Variants in MMRN1 observed in about 807,000 individuals in gnomAD.
The protein encoded by MMRN1 is multimerin 1.
A neutral mutation model predicts 100.7 loss-of-function variants in MMRN1; 94 were observed. The ratio of observed to expected loss-of-function variants is 0.93; its 90% CI spans 0.79 to 1.11. MMRN1 has a LOEUF of 1.11. Ranked by LOEUF, MMRN1 falls within the 50% of genes least tolerant of loss-of-function variation. MMRN1 has a pLI of 0.00. For synonymous variants in MMRN1, 575 were observed against 505.0 expected (o/e 1.14, Z -1.86); for missense variants, 1,606 against 1,439.1 (o/e 1.12, Z -1.88).
intron 4 of MMRN1, among the ~76,000 whole-genome samples, chr4:89,923,875 G>T (rs1448801020): frequency 6.6e-6 from 1 of 152,174 alleles, no homozygotes; most frequent in African/African-American, 2.4e-5. Context: ...CATGGATCTA[G>T]TCATACAAAA....
At chr4:89,946,021 G>A (rs76000787) in intron 6 of MMRN1, among the ~76,000 whole-genome samples, 9,327 of 152,160 alleles carry the variant, frequency 0.061, 770 homozygotes, top group African/African-American at 0.19. Flanking sequence ...ACAAATAAAT[G>A]TTAGTATTCC....
At chr4:89,912,591 G>A (rs1173184124) in intron 3 of MMRN1, among the ~76,000 whole-genome samples, 1 of 150,258 alleles carries the variant, frequency 6.7e-6, no homozygotes, top group Non-Finnish European at 1.5e-5. Context: ...TGGCAAGGCT[G>A]ATCAAACACA....
intron 5 of MMRN1, among the ~76,000 whole-genome samples, chr4:89,928,864 AT>A (rs1722347103): frequency 6.6e-6 from 1 of 152,188 alleles, no homozygotes; most frequent in Admixed American, 6.6e-5. Flanking sequence ...TGTAAGGTAC[AT>A]ATTCATGGAT....
At chr4:89,923,720 C>A (rs1722160999) in intron 4 of MMRN1, among the ~76,000 whole-genome samples, 1 of 152,210 alleles carries the variant, frequency 6.6e-6, no homozygotes, top group Non-Finnish European at 1.5e-5. Context: ...TAAGAATCAA[C>A]AAGAACCTCC....
At chr4:89,929,104 G>C (rs1054458220) in intron 5 of MMRN1, among the ~76,000 whole-genome samples, 4 of 152,116 alleles carry the variant, frequency 2.6e-5, no homozygotes, top group African/African-American at 9.7e-5. Flanking sequence ...GGTAGGGCAA[G>C]GATGTTCTAG....
chr4:89,915,385 A>T (rs1183583334), intron 3 of MMRN1, among the ~76,000 whole-genome samples: 1 of 151,580 alleles, frequency 6.6e-6, no homozygotes, highest in Non-Finnish European at 1.5e-5. Flanking sequence ...AGTAAAGCTT[A>T]ACATGTACAC....
intron 1 of MMRN1, among the ~76,000 whole-genome samples, chr4:89,896,749 G>A (rs1486310763): frequency 1.3e-5 from 2 of 152,064 alleles, no homozygotes; most frequent in African/African-American, 4.8e-5. Flanking sequence ...AGAGACACTG[G>A]TAAGAATTCT....
At chr4:89,896,811 C>T (rs1177444996) in intron 1 of MMRN1, among the ~76,000 whole-genome samples, 1 of 152,060 alleles carries the variant, frequency 6.6e-6, no homozygotes, top group Non-Finnish European at 1.5e-5. Flanking sequence ...GTCTATTTTT[C>T]ACTATATTTC....
intron 1 of MMRN1, among the ~76,000 whole-genome samples, chr4:89,888,661 T>C (rs1440861925): frequency 6.6e-6 from 1 of 152,126 alleles, no homozygotes; most frequent in Admixed American, 6.6e-5. Flanking sequence ...TCAGTTTTGA[T>C]AATCTCTTCT....
upstream of MMRN1, among the ~76,000 whole-genome samples, chr4:89,891,830 T>C (rs1032205120): frequency 4.2e-4 from 64 of 152,150 alleles, no homozygotes; most frequent in African/African-American, 1.5e-3. Flanking sequence ...ATTTCTCATG[T>C]GAAAAATGAA....
chr4:89,930,559 T>C (rs1183086590), intron 5 of MMRN1, among the ~76,000 whole-genome samples: 4 of 152,056 alleles, frequency 2.6e-5, no homozygotes, highest in African/African-American at 9.7e-5. Flanking sequence ...CTTGAAAAAC[T>C]GTAAGATTAT....
At chr4:89,927,758 A>G (rs757596389) in intron 4 of MMRN1, 37 bp from the exon 5 acceptor site, 2 of 1,578,958 alleles carry the variant, frequency 1.3e-6, no homozygotes, top group Non-Finnish European at 1.7e-6. Flanking sequence ...GTCAAAATAT[A>G]TTTTTTAATG....
chr4:89,940,284 C>A (rs745674869), intron 6 of MMRN1, among the ~76,000 whole-genome samples: 2 of 152,056 alleles, frequency 1.3e-5, no homozygotes, highest in Admixed American at 1.3e-4. Context: ...GCTTGTAAAA[C>A]CATTGGCTTT....
At position 89,936,395 on chromosome 4, in the gene MMRN1, G is replaced by T; in HGVS notation, c.2715G>T (p.Ala905=). Reference sequence around the variant, plus strand: ...AAGTATTAAATTCCAGATTTAAGGCGTTGGAAGCAAAATCTATCCATCTTT... The same window carrying T: ...AAGTATTAAATTCCAGATTTAAGGCTTTGGAAGCAAAATCTATCCATCTTT... ...QLQVLNSRFK[A]LEAKSIHLSI... The change falls in exon 6 of 8, where the codon GCG becomes GCT. Residue 905 remains alanine (A), a synonymous_variant. Coordinates refer to ENST00000264790, the MANE Select transcript of MMRN1 (RefSeq NM_007351.3). 1 of 1,609,412 alleles carries T rather than the reference G, an allele frequency of 6.2e-7. No individual in the cohort carries two copies. Among genetic ancestry groups the T allele is most frequent in the Non-Finnish European group, 8.5e-7 (1 of 1,178,650 alleles).
At chr4:89,950,911 A>G (rs1723146293) in intron 6 of MMRN1, among the ~76,000 whole-genome samples, 1 of 151,622 alleles carries the variant, frequency 6.6e-6, no homozygotes, top group South Asian at 2.1e-4. Flanking sequence ...AGTTTTTCAT[A>G]TGTTATGAAT....
intron 6 of MMRN1, among the ~76,000 whole-genome samples, chr4:89,947,694 A>G (rs543494643): frequency 6.6e-6 from 1 of 152,314 alleles, no homozygotes; most frequent in East Asian, 1.9e-4. Context: ...CATAAAGAAA[A>G]TGATGCTTTA....
upstream of MMRN1, among the ~76,000 whole-genome samples, chr4:89,890,367 T>G (rs1721025616): frequency 6.6e-6 from 1 of 152,086 alleles, no homozygotes; most frequent in African/African-American, 2.4e-5. Flanking sequence ...CTTTTATTGT[T>G]TCTGCCCATT....
At chr4:89,909,948 A>T (rs1411475262) in intron 2 of MMRN1, among the ~76,000 whole-genome samples, 1 of 151,436 alleles carries the variant, frequency 6.6e-6, no homozygotes. Context: ...TTGTCCTAAA[A>T]GATGGGGCTG....
At chr4:89,889,743 T>C (rs529861819) in intron 1 of MMRN1, among the ~76,000 whole-genome samples, 8 of 152,120 alleles carry the variant, frequency 5.3e-5, no homozygotes, top group Non-Finnish European at 1.0e-4. Context: ...CCCATTCTTA[T>C]AACCTTAGGG....
Sources: allele counts gnomAD v4.1 joint callset (sites outside exome capture counted in the v4.1 genomes callset), GRCh38; gene constraint gnomAD v4.1.1; transcripts MANE v1.5; gene names NCBI Gene and HGNC (gene_info 2026-07-23, HGNC 2026-07-21).